Variants in CORIN observed in about 807,000 individuals in gnomAD.
CORIN encodes atrial natriuretic peptide-converting enzyme.
In CORIN, 117 loss-of-function variants were observed where a neutral mutation model predicts 125.3. The ratio of observed to expected loss-of-function variants is 0.93; its 90% confidence interval spans 0.80 to 1.09. The LOEUF (loss-of-function observed/expected upper bound fraction) is 1.09. CORIN is among the 50% of genes least tolerant of loss of function. The probability of loss-of-function intolerance (pLI) is 0.00; values close to 1 mark genes in which losing one functional copy is unlikely to be tolerated. For synonymous variants in CORIN, 450 were observed against 466.4 expected, an observed-to-expected ratio of 0.96 and a Z score of 0.45; for missense variants, 1,253 against 1,306.7, an observed-to-expected ratio of 0.96 and a Z score of 0.63.
chr4:47,778,818 C>T (rs1313934615), intron 3 of CORIN, among the ~76,000 whole-genome samples: 1 of 152,110 alleles, frequency 6.6e-6, no homozygotes, highest in African/African-American at 2.4e-5. Flanking sequence ...ATGGGAATGG[C>T]GTCTAGAGGT....
chr4:47,749,029 T>G (rs1228432848), intron 4 of CORIN, among the ~76,000 whole-genome samples: 1 of 152,174 alleles, frequency 6.6e-6, no homozygotes, highest in Non-Finnish European at 1.5e-5. Context: ...GATCCCACAT[T>G]GCATTCAATT....
At chr4:47,659,477 C>T (rs945617322) in intron 12 of CORIN, among the ~76,000 whole-genome samples, 1 of 152,166 alleles carries the variant, frequency 6.6e-6, no homozygotes, top group Non-Finnish European at 1.5e-5. Context: ...AAGACATCTG[C>T]TCAGCTTCTA....
At chr4:47,703,310 A>G (rs1356431958) in intron 5 of CORIN, among the ~76,000 whole-genome samples, 1 of 152,200 alleles carries the variant, frequency 6.6e-6, no homozygotes, top group Non-Finnish European at 1.5e-5. Context: ...CTACTTCTGA[A>G]CATCTGACCC....
chr4:47,658,697 C>T (rs1724107275), intron 12 of CORIN, among the ~76,000 whole-genome samples: 1 of 152,218 alleles, frequency 6.6e-6, no homozygotes, highest in Admixed American at 6.5e-5. Flanking sequence ...GGAGGGGCTG[C>T]CTGGGAGATC....
At chr4:47,736,229 T>C (rs911705914) in intron 5 of CORIN, among the ~76,000 whole-genome samples, 2 of 152,200 alleles carry the variant, frequency 1.3e-5, no homozygotes, top group African/African-American at 4.8e-5. Flanking sequence ...CTTTTAGCTA[T>C]ATACTATCTT....
At chr4:47,721,488 C>T (rs963129494) in intron 5 of CORIN, among the ~76,000 whole-genome samples, 3 of 152,112 alleles carry the variant, frequency 2.0e-5, no homozygotes, top group African/African-American at 2.4e-5. Flanking sequence ...AGGCTGGTCT[C>T]GAACTCCTGA....
chr4:47,812,641 A>C (rs1010676078), intron 1 of CORIN, among the ~76,000 whole-genome samples: 1 of 152,256 alleles, frequency 6.6e-6, no homozygotes, highest in Non-Finnish European at 1.5e-5. Flanking sequence ...ATAAGATTTT[A>C]GAGCTAGAAA....
chr4:47,628,176 CT>C (rs1051588756), intron 16 of CORIN, among the ~76,000 whole-genome samples: 29 of 152,150 alleles, frequency 1.9e-4, no homozygotes, highest in African/African-American at 6.8e-4. Flanking sequence ...CAAACATAAA[CT>C]TTCAGCACCA....
At chr4:47,829,457 T>C (rs1198523312) in intron 1 of CORIN, among the ~76,000 whole-genome samples, 2 of 152,188 alleles carry the variant, frequency 1.3e-5, no homozygotes, top group East Asian at 1.9e-4. Flanking sequence ...AACCAGTGAA[T>C]GTGAGTTAAG....
intron 19 of CORIN, among the ~76,000 whole-genome samples, chr4:47,617,699 T>C (rs984430459): frequency 1.8e-4 from 28 of 151,972 alleles, no homozygotes; most frequent in African/African-American, 6.5e-4. Flanking sequence ...ATCCTTAGAG[T>C]AGATGGAATA....
intron 15 of CORIN, 62 bp from the exon 16 acceptor site, chr4:47,642,111 A>G (rs895146077): frequency 3.3e-5 from 51 of 1,542,666 alleles, no homozygotes; most frequent in East Asian, 1.4e-4. Flanking sequence ...GAAAGCACAT[A>G]ACTTTACATG....
intron 15 of CORIN, chr4:47,642,816 A>G: frequency 6.9e-7 from 1 of 1,447,080 alleles, no homozygotes. Flanking sequence ...AGAGGTGACA[A>G]AAGAATGGCA....
chr4:47,799,781 C>T (rs962680138), intron 2 of CORIN, among the ~76,000 whole-genome samples: 2 of 151,776 alleles, frequency 1.3e-5, no homozygotes, highest in Non-Finnish European at 2.9e-5. Context: ...AATGTATGTC[C>T]CCACAAAAAC....
At chr4:47,779,031 A>T (rs375162176) in intron 3 of CORIN, among the ~76,000 whole-genome samples, 1 of 152,244 alleles carries the variant, frequency 6.6e-6, no homozygotes, top group Non-Finnish European at 1.5e-5. Flanking sequence ...TCCATTTCCA[A>T]TAACACCCAA....
At chr4:47,683,532 G>A (rs1473712236) in intron 7 of CORIN, 199 bp downstream of exon 7, 2 of 451,640 alleles carry the variant, frequency 4.4e-6, no homozygotes, top group Non-Finnish European at 7.8e-6. Context: ...TTCTTAATAT[G>A]ATTTTTTAGG....
chr4:47,802,295 C>T lies in CORIN; in HGVS notation c.208+4608G>A, dbSNP rs375512341. 1.7e-4 allele frequency among the ~76,000 whole-genome samples: 26 copies of T among 152,302 alleles called. 1 individual carries two copies. The East Asian group carries it at 2.9e-3, about 17-fold the overall frequency. ...TGCTTGGCCTCGGTGGGGTAGGGCACCAACCAGGCTCTTAGGGTCCCTGAG... is the reference window on the plus strand; with the variant it reads ...TGCTTGGCCTCGGTGGGGTAGGGCATCAACCAGGCTCTTAGGGTCCCTGAG... On this transcript the variant is annotated intron_variant, in intron 2 of 21. Coordinates refer to ENST00000273857, the MANE Select transcript of CORIN (RefSeq NM_006587.4).
intron 19 of CORIN, among the ~76,000 whole-genome samples, chr4:47,620,507 C>A (rs1424893395): frequency 6.6e-6 from 1 of 152,066 alleles, no homozygotes; most frequent in Non-Finnish European, 1.5e-5. Flanking sequence ...TAAACAATGA[C>A]GGCTTGTGAA....
intron 19 of CORIN, among the ~76,000 whole-genome samples, chr4:47,623,096 C>CTCTATATATA (rs771867590): frequency 1.6e-3 from 165 of 102,266 alleles, no homozygotes; most frequent in East Asian, 0.011. Context: ...CTCTCTCTCT[C>CTCTATATATA]TATATATATA....
chr4:47,784,436 A>T lies in CORIN; in HGVS notation c.409+2289T>A, dbSNP rs184621506. On this transcript the variant is annotated intron_variant, in intron 3 of 21. Coordinates refer to ENST00000273857, the MANE Select transcript of CORIN (RefSeq NM_006587.4). ...TTCCTCTACATGTCAATTTATGCTC[A>T]TATTCACAAGCAATGTTCCAATCAT... is the stretch of plus-strand genomic sequence containing the variant. 1.8e-3 allele frequency among the ~76,000 whole-genome samples: 275 copies of T among 152,316 alleles called. 2 individuals carry two copies. The highest frequency in any genetic ancestry group is 6.2e-3 in the African/African-American group (257 of 41,572).
Sources: gnomAD v4.1 joint callset for allele counts (sites outside exome capture counted in the v4.1 genomes callset) on GRCh38, gnomAD v4.1.1 for gene constraint, MANE v1.5 for transcripts, NCBI Gene and HGNC (gene_info 2026-07-23, HGNC 2026-07-21) for gene names.